SLC24A3: variants seen among roughly 807,000 people sequenced by gnomAD.
SLC24A3 encodes the protein solute carrier family 24 member 3, also known as sodium/potassium/calcium exchanger 3.
SLC24A3 carries 28 observed loss-of-function variants against 75.8 expected under a neutral mutation model. The observed-to-expected ratio is 0.37, with a 90% CI of 0.27 to 0.51. The LOEUF (loss-of-function observed/expected upper bound fraction) is 0.51. Among genes scored for constraint, SLC24A3 ranks in the 20% least tolerant of loss-of-function variants. SLC24A3 has a pLI of 0.94. For synonymous variants in SLC24A3, 372 were observed against 334.1 expected, an observed-to-expected ratio of 1.11 and a Z score of -1.24; for missense variants, 663 against 847.8, an observed-to-expected ratio of 0.78 and a Z score of 2.71.
intron 3 of SLC24A3, among the ~76,000 whole-genome samples, chr20:19,520,070 T>C (rs1027872005): frequency 5.3e-5 from 8 of 152,226 alleles, no homozygotes; most frequent in African/African-American, 1.9e-4. Flanking sequence ...GATATTTCTA[T>C]ATGCTTGTGT....
intron 2 of SLC24A3, among the ~76,000 whole-genome samples, chr20:19,309,767 C>T (rs1163518226): frequency 6.6e-6 from 1 of 152,134 alleles, no homozygotes; most frequent in East Asian, 1.9e-4. Context: ...TTTGAGATGG[C>T]CCTTTATTGT....
At chr20:19,496,250 C>T (rs780804347) in intron 2 of SLC24A3, among the ~76,000 whole-genome samples, 10 of 152,164 alleles carry the variant, frequency 6.6e-5, no homozygotes, top group Non-Finnish European at 1.2e-4. Flanking sequence ...ACCAGCCAGC[C>T]GGTCTCCATG....
intron 2 of SLC24A3, among the ~76,000 whole-genome samples, chr20:19,290,306 G>A (rs185864828): frequency 6.6e-6 from 1 of 152,276 alleles, no homozygotes; most frequent in African/African-American, 2.4e-5. Flanking sequence ...AGGTGTCAGA[G>A]GTTTTCAAGC....
intron 2 of SLC24A3, among the ~76,000 whole-genome samples, chr20:19,297,379 C>T (rs897768623): frequency 2.0e-5 from 3 of 152,318 alleles, no homozygotes; most frequent in East Asian, 1.9e-4. Context: ...AGGTATAGGA[C>T]ATACCATCAT....
intron 2 of SLC24A3, among the ~76,000 whole-genome samples, chr20:19,321,354 A>G (rs1783778717): frequency 6.6e-6 from 1 of 152,200 alleles, no homozygotes. Flanking sequence ...GCGATTACTC[A>G]TTATGGACTA....
chr20:19,535,405 T>C (rs2030377671), intron 3 of SLC24A3, among the ~76,000 whole-genome samples: 1 of 152,220 alleles, frequency 6.6e-6, no homozygotes, highest in African/African-American at 2.4e-5. Flanking sequence ...TGAGAGTAAC[T>C]GAGTCACATG....
intron 3 of SLC24A3, among the ~76,000 whole-genome samples, chr20:19,516,137 G>A (rs2029982617): frequency 6.6e-6 from 1 of 152,182 alleles, no homozygotes; most frequent in Non-Finnish European, 1.5e-5. Context: ...ACACATAGAA[G>A]ATGAACAAGA....
intron 2 of SLC24A3, among the ~76,000 whole-genome samples, chr20:19,364,403 C>T (rs1191283598): frequency 6.6e-6 from 1 of 151,798 alleles, no homozygotes; most frequent in Non-Finnish European, 1.5e-5. Flanking sequence ...CCAACAGATT[C>T]CAGTTCAGGA....
At chr20:19,491,282 G>T (rs748884697) in intron 2 of SLC24A3, among the ~76,000 whole-genome samples, 41 of 152,284 alleles carry the variant, frequency 2.7e-4, no homozygotes, top group Middle Eastern at 6.8e-3. Flanking sequence ...GTTCCTCCTG[G>T]TCACTGTGTT....
intron 12 of SLC24A3, among the ~76,000 whole-genome samples, chr20:19,692,421 A>G (rs1317593383): frequency 6.6e-6 from 1 of 152,236 alleles, no homozygotes; most frequent in Non-Finnish European, 1.5e-5. Flanking sequence ...TAGCACATTC[A>G]TAGGAGGGAA....
intron 2 of SLC24A3, among the ~76,000 whole-genome samples, chr20:19,457,833 C>A (rs1279077440): frequency 6.6e-6 from 1 of 152,200 alleles, no homozygotes; most frequent in Non-Finnish European, 1.5e-5. Context: ...GAAAGAACTA[C>A]ACGTGGCTTC....
intron 4 of SLC24A3, 100 bp downstream of exon 4, chr20:19,580,174 G>A (rs2122631975): frequency 4.2e-6 from 4 of 955,738 alleles, no homozygotes; most frequent in Middle Eastern, 2.7e-4. Context: ...GGGAGCCCTC[G>A]CAGGGCAGCT....
At chr20:19,317,019 C>A (rs1027020518) in intron 2 of SLC24A3, among the ~76,000 whole-genome samples, 4 of 151,954 alleles carry the variant, frequency 2.6e-5, no homozygotes, top group Non-Finnish European at 5.9e-5. Flanking sequence ...AGGCCATACA[C>A]CTACAACCAT....
chr20:19,402,706 A>T (rs1237569398), intron 2 of SLC24A3, among the ~76,000 whole-genome samples: 1 of 152,254 alleles, frequency 6.6e-6, no homozygotes. Context: ...TTCAGAAAAG[A>T]TCAGCAGTGA....
chr20:19,393,731 A>C (rs746743220), intron 2 of SLC24A3, among the ~76,000 whole-genome samples: 2 of 152,200 alleles, frequency 1.3e-5, no homozygotes, highest in Non-Finnish European at 2.9e-5. Flanking sequence ...AGATGAAAAG[A>C]CATCACATAT....
At chr20:19,643,816 T>A (rs2032102812) in intron 6 of SLC24A3, among the ~76,000 whole-genome samples, 1 of 152,192 alleles carries the variant, frequency 6.6e-6, no homozygotes, top group Admixed American at 6.5e-5. Flanking sequence ...GATGGTATAT[T>A]CAGGTCAGGA....
chr20:19,473,519 C>CT (rs1987909989), intron 2 of SLC24A3, among the ~76,000 whole-genome samples: 2 of 152,374 alleles, frequency 1.3e-5, no homozygotes, highest in African/African-American at 4.8e-5. Context: ...CTTTCTGTAG[C>CT]TTTCTTTTTT....
chr20:19,370,070 A>T (rs886878510), intron 2 of SLC24A3, among the ~76,000 whole-genome samples: 1 of 152,170 alleles, frequency 6.6e-6, no homozygotes, highest in Non-Finnish European at 1.5e-5. Flanking sequence ...CCATGTATAA[A>T]TTGTGCCTCA....
intron 2 of SLC24A3, among the ~76,000 whole-genome samples, chr20:19,329,298 C>A (rs1027159694): frequency 6.6e-6 from 1 of 152,054 alleles, no homozygotes; most frequent in Non-Finnish European, 1.5e-5. Context: ...TGTTTTTATG[C>A]TAATGAAATG....
Sources: allele counts gnomAD v4.1 joint callset (sites outside exome capture counted in the v4.1 genomes callset), GRCh38; gene constraint gnomAD v4.1.1; transcripts MANE v1.5; gene names NCBI Gene and HGNC (gene_info 2026-07-23, HGNC 2026-07-21).